PPP2R5A: variants seen among roughly 807,000 people sequenced by gnomAD.
PPP2R5A encodes the protein protein phosphatase 2 regulatory subunit B'alpha, also known as serine/threonine-protein phosphatase 2A 56 kDa regulatory subunit alpha isoform.
PPP2R5A carries 25 observed loss-of-function variants against 64.2 expected under a neutral mutation model. The observed-to-expected ratio is 0.39, with a 90% CI of 0.28 to 0.54. The LOEUF (loss-of-function observed/expected upper bound fraction) is 0.54, where lower values mean the gene tolerates loss of function less well. Ranked by LOEUF, PPP2R5A falls within the 20% of genes least tolerant of loss-of-function variation. The probability of loss-of-function intolerance (pLI) is 0.67; values close to 1 mark genes in which losing one functional copy is unlikely to be tolerated. For missense variants in PPP2R5A, 425 were observed against 576.3 expected (o/e 0.74, Z 2.69); for synonymous variants, 198 against 201.2 (o/e 0.98, Z 0.13).
At chr1:212,342,961 T>C (rs1462977166) in intron 4 of PPP2R5A, among the ~76,000 whole-genome samples, 2 of 152,098 alleles carry the variant, frequency 1.3e-5, no homozygotes, top group Non-Finnish European at 2.9e-5. Context: ...GCCTCTTTTT[T>C]TTTTGAGAGG....
rs554814735 is a variant in PPP2R5A, at chr1:212,286,221, C to G, written c.111C>G (p.Arg37=). 5.1e-6 allele frequency: 8 copies of G among 1,569,494 alleles called. No individual in the cohort carries two copies. The highest frequency in any genetic ancestry group is 6.9e-6 in the Non-Finnish European group (8 of 1,158,918). Residue 37 remains arginine (R), a synonymous_variant, in exon 1 of 13, where the codon CGC becomes CGG. Coordinates refer to ENST00000261461, the MANE Select transcript of PPP2R5A (RefSeq NM_006243.4). ...TCCGCAAGGCGCAGAGGCAGAAGCG[C>G]TCCCAGGGCTCGTCGCAGTTTCGCA... The part of the protein sequence containing the change: ...KSVRKAQRQK[R]SQGSSQFRSQ...
At chr1:212,314,959 A>G (rs1659118464) in intron 1 of PPP2R5A, among the ~76,000 whole-genome samples, 1 of 152,178 alleles carries the variant, frequency 6.6e-6, no homozygotes, top group South Asian at 2.1e-4. Context: ...CTCCTGCCTC[A>G]GCCTCCCAAA....
At chr1:212,297,093 CTT>C (rs1658707203) in intron 1 of PPP2R5A, among the ~76,000 whole-genome samples, 14 of 81,920 alleles carry the variant, frequency 1.7e-4, no homozygotes, top group African/African-American at 6.0e-4. Flanking sequence ...TTCTTTGCTT[CTT>C]CTTTTTTTTT....
At chr1:212,360,030 C>G (rs1660051844) in intron 12 of PPP2R5A, among the ~76,000 whole-genome samples, 2 of 152,166 alleles carry the variant, frequency 1.3e-5, no homozygotes, top group African/African-American at 4.8e-5. Context: ...TCAGAATAGA[C>G]AGGTTCAAGT....
chr1:212,352,946 C>T (rs792442), intron 8 of PPP2R5A: 405,918 of 518,578 alleles, frequency 0.78, 160,120 homozygotes, highest in African/African-American at 0.94. Context: ...TGGGAAAATA[C>T]CATTCCATTG....
At chr1:212,308,371 G>A (rs1164520279) in intron 1 of PPP2R5A, among the ~76,000 whole-genome samples, 2 of 140,088 alleles carry the variant, frequency 1.4e-5, no homozygotes. Flanking sequence ...GGAGTTTCTT[G>A]TGTTAGGTTT....
intron 1 of PPP2R5A, among the ~76,000 whole-genome samples, chr1:212,318,335 C>G (rs1659199285): frequency 6.6e-6 from 1 of 151,682 alleles, no homozygotes; most frequent in South Asian, 2.1e-4. Flanking sequence ...TTTGTTGTAC[C>G]TTTCATAATA....
intron 1 of PPP2R5A, 36 bp from the exon 2 acceptor site, chr1:212,329,099 G>C: frequency 7.3e-7 from 1 of 1,375,578 alleles, no homozygotes; most frequent in Non-Finnish European, 9.6e-7. Context: ...CTTCTGAGTA[G>C]GTTATTTCTA....
intron 1 of PPP2R5A, chr1:212,308,964 G>A: frequency 3.4e-6 from 2 of 593,934 alleles, no homozygotes; most frequent in Non-Finnish European, 5.9e-6. Context: ...GATATTCTCT[G>A]TTTGATGTAA....
At chr1:212,320,108 G>C (rs1250620951) in intron 1 of PPP2R5A, among the ~76,000 whole-genome samples, 1 of 151,812 alleles carries the variant, frequency 6.6e-6, no homozygotes, top group Non-Finnish European at 1.5e-5. Flanking sequence ...CGCAGTGTTT[G>C]TGTCCCTGGG....
Position 212,346,416 on chromosome 1 carries a change from T to C in PPP2R5A, c.704+483T>C, listed in dbSNP as rs545786570. Among the ~76,000 whole-genome samples, 10 of 152,094 alleles carry C rather than the reference T, an allele frequency of 6.6e-5. No homozygotes were observed. The East Asian group carries it at 1.9e-3, about 29-fold the overall frequency. Reference sequence around the variant, plus strand: ...GGAGGATTGATTCCAGGGCCCCTGCTAATAGCAGAATCCAAAGTCCCTTAT... The same window carrying C: ...GGAGGATTGATTCCAGGGCCCCTGCCAATAGCAGAATCCAAAGTCCCTTAT... On this transcript the variant is annotated intron_variant, in intron 5 of 12. Coordinates refer to ENST00000261461, the MANE Select transcript of PPP2R5A (RefSeq NM_006243.4).
At chr1:212,297,609 G>A (rs188266107) in intron 1 of PPP2R5A, 6 of 152,304 alleles carry the variant, frequency 3.9e-5, no homozygotes, top group African/African-American at 1.4e-4. Flanking sequence ...GGGCAAGTAA[G>A]CCAGTATTGA....
chr1:212,309,612 A>G, intron 1 of PPP2R5A: 2 of 599,730 alleles, frequency 3.3e-6, no homozygotes, highest in South Asian at 1.9e-5. Flanking sequence ...TGTTAAATCC[A>G]ACATACGGTC....
At chr1:212,352,526 G>A (rs1246023018) in intron 8 of PPP2R5A, among the ~76,000 whole-genome samples, 3 of 151,514 alleles carry the variant, frequency 2.0e-5, no homozygotes, top group Non-Finnish European at 2.9e-5. Context: ...TGTGGCTGAC[G>A]GCAGCCCTGA....
intron 8 of PPP2R5A, among the ~76,000 whole-genome samples, 189 bp from the exon 9 acceptor site, chr1:212,356,437 T>C (rs1483694094): frequency 6.6e-6 from 1 of 152,192 alleles, no homozygotes; most frequent in East Asian, 1.9e-4. Context: ...TGGTACATAA[T>C]AGGCACCCAG....
intron 1 of PPP2R5A, chr1:212,309,146 T>G: frequency 1.7e-6 from 2 of 1,181,130 alleles, no homozygotes; most frequent in Non-Finnish European, 2.5e-6. Context: ...ATCAGGGTGT[T>G]GACCTTGGCC....
intron 8 of PPP2R5A, 54 bp downstream of exon 8, chr1:212,349,296 G>A: frequency 7.3e-7 from 1 of 1,371,192 alleles, no homozygotes; most frequent in Non-Finnish European, 1.0e-6. Flanking sequence ...GCATTTCATT[G>A]TAGCTTTCGT....
intron 1 of PPP2R5A, among the ~76,000 whole-genome samples, chr1:212,303,998 C>T (rs377181552): frequency 1.5e-4 from 23 of 151,980 alleles, no homozygotes; most frequent in Admixed American, 3.3e-4. Flanking sequence ...AGGATTGTTT[C>T]GGCTGTTATT....
At chr1:212,321,191 G>T (rs1659280064) in intron 1 of PPP2R5A, among the ~76,000 whole-genome samples, 1 of 147,132 alleles carries the variant, frequency 6.8e-6, no homozygotes, top group African/African-American at 2.5e-5. Flanking sequence ...CAGGCGGGGG[G>T]CTGACCCCCC....
Sources: allele counts gnomAD v4.1 joint callset (sites outside exome capture counted in the v4.1 genomes callset), GRCh38; gene constraint gnomAD v4.1.1; transcripts MANE v1.5; gene names NCBI Gene and HGNC (gene_info 2026-07-23, HGNC 2026-07-21).